Variants in IGSF11 observed in about 807,000 individuals in gnomAD.
IGSF11 encodes the protein immunoglobulin superfamily member 11.
Under a neutral mutation model 41.0 loss-of-function variants are expected in IGSF11, and 22 were observed. The observed-to-expected ratio is 0.54, with a 90% CI of 0.38 to 0.77. IGSF11 has a LOEUF of 0.77. Ranked by LOEUF, IGSF11 falls within the 30% of genes least tolerant of loss-of-function variation. The probability of loss-of-function intolerance (pLI) is 0.00; values close to 1 mark genes in which losing one functional copy is unlikely to be tolerated. For missense variants in IGSF11, 444 were observed against 530.8 expected, an observed-to-expected ratio of 0.84 and a Z score of 1.61; for synonymous variants, 219 against 201.3, an observed-to-expected ratio of 1.09 and a Z score of -0.74.
intron 1 of IGSF11, among the ~76,000 whole-genome samples, chr3:118,987,839 A>G (rs559850224): frequency 1.4e-4 from 22 of 152,214 alleles, no homozygotes; most frequent in Non-Finnish European, 2.5e-4. Context: ...CTAATAATCA[A>G]TAAGACCTTC....
intron 4 of IGSF11, among the ~76,000 whole-genome samples, chr3:118,920,686 G>C (rs1941686952): frequency 6.6e-6 from 1 of 151,996 alleles, no homozygotes; most frequent in African/African-American, 2.4e-5. Context: ...CACTCAAAAT[G>C]GGTAAAGAAA....
intron 4 of IGSF11, among the ~76,000 whole-genome samples, chr3:118,922,895 T>C (rs79804852): frequency 0.023 from 3,461 of 152,240 alleles, 91 homozygotes; most frequent in Admixed American, 0.066. Context: ...ACTTTCTTGC[T>C]TGCTGTTCTC....
intron 1 of IGSF11, among the ~76,000 whole-genome samples, chr3:119,000,060 ATTCT>A (rs1259310111): frequency 3.3e-5 from 4 of 122,230 alleles, no homozygotes; most frequent in South Asian, 4.9e-4. Context: ...AAGATTCATT[ATTCT>A]TTTTTTTTTT....
intron 1 of IGSF11, among the ~76,000 whole-genome samples, chr3:119,118,728 C>T (rs531100678): frequency 6.6e-6 from 1 of 152,300 alleles, no homozygotes; most frequent in Non-Finnish European, 1.5e-5. Flanking sequence ...ATTTTCCAAA[C>T]TTTTATGCCC....
At chr3:118,995,819 A>T (rs1559759542) in intron 1 of IGSF11, among the ~76,000 whole-genome samples, 2 of 151,202 alleles carry the variant, frequency 1.3e-5, no homozygotes, top group South Asian at 2.1e-4. Flanking sequence ...CGCCCCGCTA[A>T]TTTTTTTTTA....
At chr3:119,098,552 G>T (rs953594335) in intron 1 of IGSF11, among the ~76,000 whole-genome samples, 1 of 152,146 alleles carries the variant, frequency 6.6e-6, no homozygotes, top group African/African-American at 2.4e-5. Context: ...TAACACATTT[G>T]CTGTATGAAT....
At position 118,944,498 on chromosome 3, in the gene IGSF11, ACACACAC is replaced by A. The variant is rs1943965400; in HGVS notation, c.53-14230_53-14224del. 6.0e-5 allele frequency among the ~76,000 whole-genome samples: 9 copies of A among 150,510 alleles called. 1 individual carries two copies. The South Asian group carries it at 1.9e-3, about 32-fold the overall frequency. ...CACACACACACACACACACACACAC[ACACACAC>A]ACGATCCCTCTCATTTCTACCCATC... On this transcript the variant is annotated intron_variant, in intron 1 of 6. Transcript: ENST00000393775.
At chr3:118,956,807 A>G (rs1944992784) in intron 1 of IGSF11, among the ~76,000 whole-genome samples, 1 of 152,242 alleles carries the variant, frequency 6.6e-6, no homozygotes, top group Non-Finnish European at 1.5e-5. Context: ...AAAGAAACAC[A>G]AAGTGAGCAT....
intron 3 of IGSF11, among the ~76,000 whole-genome samples, chr3:118,926,691 T>C (rs934461295): frequency 6.6e-6 from 1 of 152,214 alleles, no homozygotes; most frequent in Non-Finnish European, 1.5e-5. Context: ...CCTTTGTTAC[T>C]TTACAAACAA....
rs552660804 is a variant in IGSF11 at position 119,073,617 on chromosome 3, G to A, written c.49+31527C>T. Among the ~76,000 whole-genome samples the A allele has an allele frequency of 1.2e-4, 19 of 152,304 alleles. No homozygotes were observed. In the East Asian group the frequency reaches 2.9e-3, roughly 23 times the overall value. On this transcript the variant is annotated intron_variant, in intron 1 of 6. Transcript: ENST00000354673. ...GGTGGGCCGGCAGTGCTGGGGGCCC[G>A]GCGCACGCTCTGCAGTTGCTGGCCC...
At chr3:118,905,520 A>C in intron 5 of IGSF11, 76 bp downstream of exon 5, 3 of 1,473,156 alleles carry the variant, frequency 2.0e-6, no homozygotes, top group Non-Finnish European at 2.8e-6. Context: ...ATTCAGCAGA[A>C]CCCTTCATTT....
At chr3:119,007,848 T>C (rs1463408181) in intron 1 of IGSF11, among the ~76,000 whole-genome samples, 2 of 152,230 alleles carry the variant, frequency 1.3e-5, no homozygotes, top group Admixed American at 1.3e-4. Flanking sequence ...TTATCATATT[T>C]CTTTCCTTTT....
intron 1 of IGSF11, among the ~76,000 whole-genome samples, chr3:119,102,189 A>G (rs938520962): frequency 1.3e-5 from 2 of 152,106 alleles, no homozygotes; most frequent in Non-Finnish European, 2.9e-5. Context: ...TTCTCCATTT[A>G]TCTGTGGTTG....
intron 1 of IGSF11, among the ~76,000 whole-genome samples, chr3:119,131,642 G>A (rs933120483): frequency 6.6e-6 from 1 of 152,166 alleles, no homozygotes; most frequent in Admixed American, 6.5e-5. Flanking sequence ...ATATTATCTA[G>A]GAGAACTTCC....
intron 2 of IGSF11, among the ~76,000 whole-genome samples, chr3:118,929,734 TA>T (rs1237851933): frequency 3.3e-5 from 5 of 152,008 alleles, no homozygotes; most frequent in South Asian, 2.1e-4. Flanking sequence ...GAAATTAACT[TA>T]AAAAAAATCA....
chr3:118,910,365 C>G (rs1940121498), intron 4 of IGSF11, among the ~76,000 whole-genome samples: 1 of 152,184 alleles, frequency 6.6e-6, no homozygotes, highest in Non-Finnish European at 1.5e-5. Flanking sequence ...TTAACTCTGA[C>G]TCTTCTGAGT....
chr3:119,008,978 A>G (rs1178465551), intron 1 of IGSF11, among the ~76,000 whole-genome samples: 4 of 152,190 alleles, frequency 2.6e-5, no homozygotes, highest in Non-Finnish European at 5.9e-5. Flanking sequence ...AAACTAGGAT[A>G]CTGCCTCTGC....
chr3:119,129,992 AT>A (rs1365030201), intron 1 of IGSF11, among the ~76,000 whole-genome samples: 2 of 152,204 alleles, frequency 1.3e-5, no homozygotes, highest in Admixed American at 6.5e-5. Context: ...CTTAAAAAAA[AT>A]TTTTTTTAAT....
chr3:119,057,390 A>T (rs1479859720), intron 1 of IGSF11, among the ~76,000 whole-genome samples: 1 of 152,116 alleles, frequency 6.6e-6, no homozygotes, highest in Non-Finnish European at 1.5e-5. Flanking sequence ...AAAGAGAATA[A>T]AATACCTAGG....
Sources: gnomAD v4.1 joint callset for allele counts (sites outside exome capture counted in the v4.1 genomes callset) on GRCh38, gnomAD v4.1.1 for gene constraint, MANE v1.5 for transcripts, NCBI Gene and HGNC (gene_info 2026-07-23, HGNC 2026-07-21) for gene names.